LTN1: variants seen among roughly 807,000 people sequenced by gnomAD.
LTN1 encodes E3 ubiquitin-protein ligase listerin.
In LTN1, 88 loss-of-function variants were observed where a neutral mutation model predicts 201.2. The observed-to-expected ratio is 0.44, with a 90% confidence interval of 0.37 to 0.52. The LOEUF is 0.52. Ranked by LOEUF, LTN1 falls within the 20% of genes least tolerant of loss-of-function variation. The pLI is 0.00. For synonymous variants in LTN1, 645 were observed against 713.5 expected (o/e 0.90, Z 1.53); for missense variants, 1,752 against 2,038.7 (o/e 0.86, Z 2.71).
Position 28,943,830 on chromosome 21 carries a change from T to C in LTN1, c.4057A>G (p.Ile1353Val), listed in dbSNP as rs749378913. The part of the protein sequence containing the change: ...LKPMCETLTY[I>V]SKEQLLSHKL... ...TGACTCAATAGCTGTTCCTTTGAGA[T>C]ATACGTTAATGTTTCACACATGGGT... Residue 1353 changes from isoleucine (I) to valine (V), a missense_variant, in exon 23 of 30, where the codon ATC (isoleucine) becomes GTC (valine). Around this residue, in one of 3 missense-constraint regions of LTN1, gnomAD observed 1,211 missense variants for 1,312.8 expected, o/e 0.92. Coordinates refer to ENST00000361371, the MANE Select transcript of LTN1 (RefSeq NM_015565.3). 6.8e-6 allele frequency: 11 copies of C among 1,613,724 alleles called. No individual in the cohort carries two copies. The highest frequency in any genetic ancestry group is 1.6e-4 in the Middle Eastern group (1 of 6,080).
chr21:28,963,916 A>T lies in LTN1; in HGVS notation c.2163+1949T>A, dbSNP rs142796757. ...GTGTAGGAAGCAACTGCAGATGTGGAGGAAAGAGGCAAAGAACTAGAATGA... is the reference window on the plus strand; with the variant it reads ...GTGTAGGAAGCAACTGCAGATGTGGTGGAAAGAGGCAAAGAACTAGAATGA... On this transcript the variant is annotated intron_variant, in intron 11 of 29. Transcript: ENST00000361371. 1.0e-3 allele frequency among the ~76,000 whole-genome samples: 159 copies of T among 152,336 alleles called. 2 individuals are homozygous for T. The East Asian group carries it at 0.021, about 20-fold the overall frequency.
chr21:28,979,136 T>C (rs930383123), intron 6 of LTN1, among the ~76,000 whole-genome samples: 1 of 152,254 alleles, frequency 6.6e-6, no homozygotes, highest in African/African-American at 2.4e-5. Context: ...TATAAGGTTA[T>C]GTAGTAGCAG....
intron 4 of LTN1, among the ~76,000 whole-genome samples, chr21:28,983,934 A>G (rs1212040801): frequency 6.6e-6 from 1 of 152,198 alleles, no homozygotes; most frequent in African/African-American, 2.4e-5. Context: ...GGAAGAAATG[A>G]GACACTACTA....
chr21:28,967,014 T>C lies in LTN1; in HGVS notation c.1477A>G (p.Arg493Gly). 13 of 1,614,162 alleles carry C rather than the reference T, an allele frequency of 8.1e-6. No individual in the cohort carries two copies. Among genetic ancestry groups the C allele is most frequent in the Non-Finnish European group, 1.0e-5 (12 of 1,180,018 alleles). ...TTCGCAACACAGATCTCTGACAGTC[T>C]TTCCCAGAAATGTATCAGTACGTTC... ...LENVLIHFWE[R>G]LSEICVAKIS... is the part of the protein sequence containing the mutation. Residue 493 changes from arginine (R) to glycine (G), a missense_variant, in exon 10 of 30, where the codon AGA (arginine) becomes GGA (glycine). By Grantham distance (125) the Arg-to-Gly change is moderately radical. This residue lies in a region of LTN1 where 1,211 missense variants were observed against 1,312.8 expected (regional missense o/e 0.92). Transcript: ENST00000361371.
intron 21 of LTN1, 105 bp downstream of exon 21, chr21:28,945,702 G>T: frequency 9.8e-7 from 1 of 1,024,432 alleles, no homozygotes; most frequent in Non-Finnish European, 1.4e-6. Context: ...TTATACAAAG[G>T]AACCAATTAC....
intron 5 of LTN1, 56 bp downstream of exon 5, chr21:28,982,260 T>C: frequency 7.2e-7 from 1 of 1,392,146 alleles, no homozygotes; most frequent in Middle Eastern, 1.8e-4. Flanking sequence ...ATCATCTGAT[T>C]ACTTATGAGT....
intron 6 of LTN1, among the ~76,000 whole-genome samples, chr21:28,980,464 A>G (rs1456298050): frequency 6.6e-6 from 1 of 151,196 alleles, no homozygotes; most frequent in Non-Finnish European, 1.5e-5. Context: ...TAAGGGGTGC[A>G]GCACACCAGC....
chr21:28,965,348 G>A (rs1221754567), intron 11 of LTN1, among the ~76,000 whole-genome samples: 2 of 152,094 alleles, frequency 1.3e-5, no homozygotes, highest in Non-Finnish European at 2.9e-5. Flanking sequence ...TTGAAAATTT[G>A]TAAATTGTTT....
chr21:28,972,428 C>T (rs1172411408), intron 6 of LTN1, among the ~76,000 whole-genome samples: 5 of 117,866 alleles, frequency 4.2e-5, no homozygotes, highest in South Asian at 2.9e-4. Context: ...CATAAAATGG[C>T]GTAATATAGT....
At chr21:28,980,399 G>A (rs8127998) in intron 6 of LTN1, among the ~76,000 whole-genome samples, 2 of 107,550 alleles carry the variant, frequency 1.9e-5, no homozygotes, top group African/African-American at 3.6e-5. Context: ...ATGGTGGGGT[G>A]GGGGGAGGGG....
intron 8 of LTN1, 91 bp from the exon 9 acceptor site, chr21:28,969,692 G>T: frequency 1.2e-6 from 1 of 868,256 alleles, no homozygotes; most frequent in South Asian, 2.3e-5. Flanking sequence ...AAGGCATCAT[G>T]ACAGAAGAAA....
chr21:28,930,048 C>T lies in LTN1; in HGVS notation c.*400G>A, dbSNP rs1332105150. ...TAGATGTAAATCAGCTCTCTCAGTT[C>T]GTTTTGCTTCACTTGGACTATTCTA... On this transcript the variant is annotated 3_prime_UTR_variant, in exon 30 of 30. Transcript: ENST00000361371. The T allele has an allele frequency of 6.4e-6, 1 of 155,988 alleles. No individual in the cohort carries two copies. Among genetic ancestry groups the T allele is most frequent in the Non-Finnish European group, 1.4e-5 (1 of 70,626 alleles). 9.7% of individuals were successfully genotyped at this position (155,988 alleles called of 1,614,324 possible). A position where few individuals can be genotyped will look rare whatever the true frequency, so the allele number is the denominator to read the frequency against.
intron 6 of LTN1, among the ~76,000 whole-genome samples, chr21:28,972,201 G>A (rs927252699): frequency 2.0e-5 from 3 of 152,124 alleles, no homozygotes; most frequent in African/African-American, 7.2e-5. Flanking sequence ...TTGAAACAGA[G>A]AAAGCAACCC....
In LTN1 at chr21:28,944,611, A is replaced by C. The variant is rs754224679; in HGVS notation, c.3769-15T>G. On this transcript the variant is annotated splice_polypyrimidine_tract_variant and intron_variant, in intron 21 of 29. Coordinates refer to ENST00000361371, the MANE Select transcript of LTN1 (RefSeq NM_015565.3). ...TCACTTGTTGTCTGAAAAAACAATA[A>C]AAATGAAATAGGTAAACAGACTTCT... 1.9e-6 allele frequency: 3 copies of C among 1,570,814 alleles called. No homozygotes were observed. The South Asian group carries it at 3.4e-5, about 18-fold the overall frequency.
At chr21:28,976,448 A>G (rs554073448) in intron 6 of LTN1, among the ~76,000 whole-genome samples, 19 of 152,168 alleles carry the variant, frequency 1.2e-4, no homozygotes, top group Non-Finnish European at 2.2e-4. Context: ...AAAAGTACAA[A>G]AATTAGCTGG....
At chr21:28,934,663 C>T (rs1237459720) in intron 27 of LTN1, among the ~76,000 whole-genome samples, 1 of 152,062 alleles carries the variant, frequency 6.6e-6, no homozygotes, top group Non-Finnish European at 1.5e-5. Flanking sequence ...CACCATGTTG[C>T]CCAGGCTGGT....
At position 28,958,555 on chromosome 21, in the gene LTN1, C is replaced by T. The variant is rs779456296; in HGVS notation, c.2594-16G>A. On this transcript the variant is annotated splice_polypyrimidine_tract_variant and intron_variant, in intron 13 of 29. Transcript: ENST00000361371. ...ATAAGAAAATCTAAAATCAAGATGTCAACAGGAATTTGTAATCTCACTGAA... is the reference window on the plus strand; with the variant it reads ...ATAAGAAAATCTAAAATCAAGATGTTAACAGGAATTTGTAATCTCACTGAA... The T allele has an allele frequency of 6.4e-7, 1 of 1,571,706 alleles. No homozygotes were observed. The highest frequency in any genetic ancestry group is 2.3e-5 in the East Asian group (1 of 43,272).
intron 25 of LTN1, among the ~76,000 whole-genome samples, chr21:28,940,991 C>T (rs1039550541): frequency 5.3e-5 from 8 of 152,082 alleles, no homozygotes; most frequent in Admixed American, 3.9e-4. Flanking sequence ...GTGAGAAGAT[C>T]GGTTGAGCCT....
chr21:28,989,991 A>C (rs1483218788), intron 1 of LTN1, among the ~76,000 whole-genome samples: 2 of 152,154 alleles, frequency 1.3e-5, no homozygotes, highest in East Asian at 3.9e-4. Context: ...AAAAAAAAAA[A>C]AGTTATCTAT....
Sources: allele counts gnomAD v4.1 joint callset (sites outside exome capture counted in the v4.1 genomes callset), GRCh38; gene constraint gnomAD v4.1.1; regional missense constraint gnomAD v4.1.1; transcripts MANE v1.5; gene names NCBI Gene and HGNC (gene_info 2026-07-23, HGNC 2026-07-21).